ATIC: variants seen among roughly 807,000 people sequenced by gnomAD.
ATIC encodes 5-aminoimidazole-4-carboxamide ribonucleotide formyltransferase/IMP cyclohydrolase.
ATIC carries 64 observed loss-of-function variants against 72.5 expected under a neutral mutation model. The ratio of observed to expected loss-of-function variants is 0.88; its 90% CI spans 0.72 to 1.09. The LOEUF is 1.09. Ranked by LOEUF, ATIC falls within the 50% of genes least tolerant of loss-of-function variation. The probability of loss-of-function intolerance (pLI) is 0.00; values close to 1 mark genes in which losing one functional copy is unlikely to be tolerated. For synonymous variants in ATIC, 281 were observed against 267.1 expected (o/e 1.05, Z -0.51); for missense variants, 787 against 732.4 (o/e 1.07, Z -0.86).
At chr2:215,312,439 C>T (rs1385620961) in intron 1 of ATIC, 59 bp from the exon 2 acceptor site, 3 of 1,613,028 alleles carry the variant, frequency 1.9e-6, no homozygotes, top group Non-Finnish European at 2.5e-6. Context: ...CCTCCCAAGG[C>T]CTTGCAGAAC....
At chr2:215,321,115 C>CT in intron 4 of ATIC, among the ~76,000 whole-genome samples, 1 of 152,342 alleles carries the variant, frequency 6.6e-6, no homozygotes, top group African/African-American at 2.4e-5. Flanking sequence ...ACCCTAAACC[C>CT]TATACCCATA....
intron 4 of ATIC, among the ~76,000 whole-genome samples, chr2:215,319,974 G>T (rs755837732): frequency 5.3e-5 from 8 of 152,146 alleles, no homozygotes; most frequent in Non-Finnish European, 1.0e-4. Flanking sequence ...TATCTGAAAT[G>T]CTTGGGACCC....
chr2:215,312,871 G>A (rs1025727688), intron 2 of ATIC, among the ~76,000 whole-genome samples: 1 of 152,128 alleles, frequency 6.6e-6, no homozygotes, highest in African/African-American at 2.4e-5. Flanking sequence ...GGCCGAGGTG[G>A]GCTGATCACT....
At chr2:215,321,262 C>CACTT (rs2052763795) in intron 4 of ATIC, among the ~76,000 whole-genome samples, 1 of 152,108 alleles carries the variant, frequency 6.6e-6, no homozygotes, top group Admixed American at 6.6e-5. Flanking sequence ...TGGCTTCTTT[C>CACTT]ACTTAGCATG....
intron 14 of ATIC, among the ~76,000 whole-genome samples, chr2:215,348,421 A>G (rs1321546030): frequency 1.3e-5 from 2 of 152,206 alleles, no homozygotes; most frequent in Admixed American, 1.3e-4. Flanking sequence ...TAATAGACAT[A>G]AAGTAGTAGA....
chr2:215,338,657 CTG>C, intron 11 of ATIC, 120 bp from the exon 12 acceptor site: 1 of 1,047,798 alleles, frequency 9.5e-7, no homozygotes, highest in Non-Finnish European at 1.4e-6. Flanking sequence ...AATTAGAAAA[CTG>C]TAAAAAATTA....
intron 2 of ATIC, 142 bp from the exon 3 acceptor site, chr2:215,318,015 T>C (rs2052727864): frequency 6.9e-6 from 5 of 722,200 alleles, no homozygotes; most frequent in Admixed American, 4.9e-5. Flanking sequence ...AAATAAAATA[T>C]AGTGAAATAC....
chr2:215,348,827 G>A (rs996547247), intron 14 of ATIC: 12 of 310,936 alleles, frequency 3.9e-5, no homozygotes, highest in African/African-American at 2.5e-4. Context: ...GTGTGGTGGT[G>A]TGCACTTGTG....
intron 7 of ATIC, among the ~76,000 whole-genome samples, chr2:215,330,451 A>G (rs1426188324): frequency 6.6e-6 from 1 of 152,140 alleles, no homozygotes; most frequent in Non-Finnish European, 1.5e-5. Context: ...TTCTCCTGTT[A>G]ACATCATGCA....
rs114158389 is a variant in ATIC, at chr2:215,315,183, C to T, written c.146+2559C>T. On this transcript the variant is annotated intron_variant, in intron 2 of 15. Coordinates refer to ENST00000236959, the MANE Select transcript of ATIC (RefSeq NM_004044.7). ...GCAAGGAGATGAGAGGATTTCTTTA[C>T]GTCCAGCTCCTAGACAGAAAGCCAG... Among the ~76,000 whole-genome samples, 1,335 of 152,256 alleles carry T rather than the reference C, an allele frequency of 8.8e-3. 19 individuals carry two copies. Among genetic ancestry groups the T allele is most frequent in the African/African-American group, 0.03 (1,262 of 41,540 alleles).
At chr2:215,318,056 C>A in intron 2 of ATIC, 101 bp from the exon 3 acceptor site, 1 of 1,075,194 alleles carries the variant, frequency 9.3e-7, no homozygotes, top group Non-Finnish European at 1.4e-6. Flanking sequence ...ACGTTGAATT[C>A]AGGCTCAAAA....
At chr2:215,354,003 A>G (rs1335544699), downstream of ATIC, among the ~76,000 whole-genome samples, 1 of 151,804 alleles carries the variant, frequency 6.6e-6, no homozygotes, top group Non-Finnish European at 1.5e-5. Flanking sequence ...TCTGATGTCA[A>G]TCTGGTTCTT....
At chr2:215,320,922 T>C (rs965363603) in intron 4 of ATIC, among the ~76,000 whole-genome samples, 1 of 151,908 alleles carries the variant, frequency 6.6e-6, no homozygotes, top group African/African-American at 2.4e-5. Context: ...GAACTCAGAG[T>C]GAGGACTCAT....
At chr2:215,345,830 C>T (rs2053065411) in intron 13 of ATIC, among the ~76,000 whole-genome samples, 1 of 152,170 alleles carries the variant, frequency 6.6e-6, no homozygotes, top group South Asian at 2.1e-4. Flanking sequence ...CTTTTATTCT[C>T]TTGTAGCTGT....
chr2:215,320,228 G>A (rs951831186), intron 4 of ATIC, among the ~76,000 whole-genome samples: 18 of 152,110 alleles, frequency 1.2e-4, no homozygotes, highest in African/African-American at 2.4e-4. Flanking sequence ...TTAAATATAC[G>A]TAACAGCTTT....
intron 11 of ATIC, among the ~76,000 whole-genome samples, chr2:215,338,432 G>A (rs1490352495): frequency 1.3e-5 from 2 of 152,232 alleles, no homozygotes; most frequent in Admixed American, 6.5e-5. Flanking sequence ...AACCATATAG[G>A]TAGTAACTTA....
chr2:215,325,912 C>G (rs2052818503), intron 5 of ATIC, 75 bp from the exon 6 acceptor site: 2 of 1,545,732 alleles, frequency 1.3e-6, no homozygotes, highest in Non-Finnish European at 8.9e-7. Context: ...AGTACATGCA[C>G]AATGACTTTA....
At chr2:215,334,801 A>G in intron 9 of ATIC, 118 bp from the exon 10 acceptor site, 1 of 808,874 alleles carries the variant, frequency 1.2e-6, no homozygotes, top group African/African-American at 1.7e-5. Flanking sequence ...TTAAAATCTT[A>G]TGTAAACAGT....
At chr2:215,342,844 T>A (rs116630322) in intron 12 of ATIC, among the ~76,000 whole-genome samples, 259 of 152,168 alleles carry the variant, frequency 1.7e-3, no homozygotes, top group African/African-American at 6.1e-3. Context: ...CACACCTGGC[T>A]AATCTTTGTA....
Sources: allele counts gnomAD v4.1 joint callset (sites outside exome capture counted in the v4.1 genomes callset), GRCh38; gene constraint gnomAD v4.1.1; transcripts MANE v1.5; gene names NCBI Gene and HGNC (gene_info 2026-07-23, HGNC 2026-07-21).